BANP: variants seen among roughly 807,000 people sequenced by gnomAD.
BANP encodes the protein protein BANP.
Under a neutral mutation model 68.1 loss-of-function variants are expected in BANP, and 11 were observed. The ratio of observed to expected loss-of-function variants is 0.16; its 90% CI spans 0.10 to 0.27. BANP has a LOEUF of 0.27. Among genes scored for constraint, BANP ranks in the 10% least tolerant of loss-of-function variants. The pLI is 1.00. For missense variants in BANP, 504 were observed against 722.7 expected (o/e 0.70, Z 3.47); for synonymous variants, 329 against 303.2 (o/e 1.09, Z -0.88).
intron 11 of BANP, among the ~76,000 whole-genome samples, chr16:88,059,263 C>CCTGCTGGTCACTCCTCCACTT: frequency 8.6e-6 from 1 of 115,736 alleles, no homozygotes; most frequent in Non-Finnish European, 1.8e-5. Flanking sequence ...GTGGGGCGGG[C>CCTGCTGGTCACTCCTCCACTT]GGAGGTGTGT....
intron 1 of BANP, chr16:87,952,700 G>C (rs1232969724): frequency 6.6e-6 from 1 of 152,194 alleles, no homozygotes; most frequent in East Asian, 1.9e-4. Flanking sequence ...TTCTGTATGT[G>C]GGTCCACTTC....
chr16:88,018,735 C>T lies in BANP; in HGVS notation c.895+68C>T. 1.3e-6 allele frequency: 2 copies of T among 1,494,528 alleles called. No homozygotes were observed. Among genetic ancestry groups the T allele is most frequent in the Non-Finnish European group, 1.8e-6 (2 of 1,113,790 alleles). 92.6% of individuals were successfully genotyped at this position (1,494,528 alleles called of 1,614,324 possible). A position where few individuals can be genotyped will look rare whatever the true frequency, so the allele number is the denominator to read the frequency against. On this transcript the variant is annotated intron_variant, in intron 7 of 13. Transcript: ENST00000682872. The surrounding 1 kb of genome is among the most constrained non-coding windows in gnomAD (Gnocchi z 7.7). ...CTGGGTCAGGACCCACATTTCAATG[C>T]TGAGGACGCTGGCATCAGTAGCACC...
chr16:87,963,905 G>A (rs1357592542), intron 1 of BANP, among the ~76,000 whole-genome samples: 3 of 152,142 alleles, frequency 2.0e-5, no homozygotes, highest in African/African-American at 7.2e-5. Context: ...TCTTTTAATG[G>A]CTTTGTGGTT....
At chr16:88,075,987 T>A (rs2091528252) in intron 13 of BANP, among the ~76,000 whole-genome samples, 1 of 152,070 alleles carries the variant, frequency 6.6e-6, no homozygotes, top group Non-Finnish European at 1.5e-5. Flanking sequence ...CTCAAGTGAT[T>A]CACCTGCCTC....
At position 88,072,227 on chromosome 16, in the gene BANP, C is replaced by T. The variant is rs761838766; in HGVS notation, c.1521+15C>T. 1 of 1,601,442 alleles carries T rather than the reference C, an allele frequency of 6.2e-7. No homozygotes were observed. The highest frequency in any genetic ancestry group is 2.2e-5 in the East Asian group (1 of 44,706). On this transcript the variant is annotated intron_variant, in intron 13 of 13. Transcript: ENST00000682872. ...CCGGGGCACAGGTGAGTCTGGGGCCCCGCGCCGGGACACTGAAGTGATGGC... is the reference window on the plus strand; with the variant it reads ...CCGGGGCACAGGTGAGTCTGGGGCCTCGCGCCGGGACACTGAAGTGATGGC...
chr16:88,008,271 G>C (rs2071880647), intron 6 of BANP, among the ~76,000 whole-genome samples: 1 of 152,214 alleles, frequency 6.6e-6, no homozygotes, highest in African/African-American at 2.4e-5. Context: ...TGTCAGGAAT[G>C]CTGCTGTGAA....
At chr16:87,965,361 G>A (rs1341051122) in intron 1 of BANP, among the ~76,000 whole-genome samples, 2 of 150,504 alleles carry the variant, frequency 1.3e-5, no homozygotes, top group South Asian at 2.2e-4. Flanking sequence ...GGCTTCTGAG[G>A]AATTTTATCT....
At chr16:88,038,189 T>G (rs561437669) in intron 11 of BANP, among the ~76,000 whole-genome samples, 178 bp downstream of exon 11, 8 of 149,582 alleles carry the variant, frequency 5.3e-5, no homozygotes, top group Non-Finnish European at 1.2e-4. Context: ...GGCATTGCGC[T>G]GCCGAGGGGT....
intron 11 of BANP, among the ~76,000 whole-genome samples, chr16:88,046,656 C>T (rs1270801532): frequency 2.6e-5 from 4 of 152,056 alleles, no homozygotes; most frequent in Non-Finnish European, 5.9e-5. Context: ...GGCGATTCTC[C>T]TGCCTCAGCC....
intron 4 of BANP, among the ~76,000 whole-genome samples, chr16:87,998,686 G>T (rs961427004): frequency 6.7e-6 from 1 of 149,418 alleles, no homozygotes; most frequent in Admixed American, 6.7e-5. Context: ...GTGCGCGGCT[G>T]GACTTACCTG....
At chr16:88,035,076 A>G (rs2079023603) in intron 9 of BANP, 3 of 510,828 alleles carry the variant, frequency 5.9e-6, no homozygotes, top group African/African-American at 1.9e-5. Context: ...AGCACCATCC[A>G]CAGTTTCTGG....
chr16:88,072,624 G>A (rs1211449733), intron 13 of BANP, among the ~76,000 whole-genome samples: 4 of 152,250 alleles, frequency 2.6e-5, no homozygotes, highest in Admixed American at 6.5e-5. Context: ...TGGCCCTAGC[G>A]TCCACGAAAA....
intron 5 of BANP, among the ~76,000 whole-genome samples, chr16:88,005,041 T>C (rs137978502): frequency 7.0e-4 from 106 of 152,250 alleles, no homozygotes; most frequent in African/African-American, 2.5e-3. Flanking sequence ...TTCACAAAGT[T>C]CTATTTGCTT....
intron 10 of BANP, 91 bp downstream of exon 10, chr16:88,035,485 G>T (rs2079110081): frequency 5.6e-6 from 7 of 1,251,506 alleles, no homozygotes; most frequent in African/African-American, 3.0e-5. Context: ...AGGGCAGCAG[G>T]GAGCCCCCAG....
rs952338621 is a variant in BANP at position 88,018,685 on chromosome 16, T to G, written c.895+18T>G. The G allele has an allele frequency of 6.4e-7, 1 of 1,551,860 alleles. No homozygotes were observed. Among genetic ancestry groups the G allele is most frequent in the Admixed American group, 1.9e-5 (1 of 51,396 alleles). ...CATCCGGTGTAAGTCGGGCCCCGCC[T>G]TGGGGGACTGGGGTGTGCGGGGAGC... On this transcript the variant is annotated intron_variant, in intron 7 of 13. Transcript: ENST00000682872. This position sits in a 1 kb window ranked among gnomAD's most constrained non-coding sequence, Gnocchi z 7.7.
At chr16:88,047,849 G>C (rs2082358465) in intron 11 of BANP, among the ~76,000 whole-genome samples, 1 of 152,256 alleles carries the variant, frequency 6.6e-6, no homozygotes, top group Admixed American at 6.5e-5. Context: ...TGTTGGGTTT[G>C]ACTGTGCTTT....
intron 7 of BANP, among the ~76,000 whole-genome samples, chr16:88,025,537 C>G (rs2076825693): frequency 6.6e-6 from 1 of 152,204 alleles, no homozygotes; most frequent in South Asian, 2.1e-4. Context: ...GGGTGTTCTT[C>G]CCTCTCATCC....
chr16:87,967,387 T>C lies in BANP; in HGVS notation c.-68-7661T>C, dbSNP rs368116031. ...CCTCCCGAAGTGCTGGGATTACAAATGTGAGCCACCACACTCGGCCGTCAA... is the reference window on the plus strand; with the variant it reads ...CCTCCCGAAGTGCTGGGATTACAAACGTGAGCCACCACACTCGGCCGTCAA... On this transcript the variant is annotated intron_variant, in intron 1 of 13. Coordinates refer to ENST00000682872, the MANE Select transcript of BANP (RefSeq NM_001386991.1). 3.3e-5 allele frequency among the ~76,000 whole-genome samples: 5 copies of C among 151,540 alleles called. No individual in the cohort carries two copies. In the East Asian group the frequency reaches 9.7e-4, roughly 29 times the overall value.
chr16:87,989,768 G>A (rs1395297789), intron 4 of BANP, among the ~76,000 whole-genome samples: 1 of 123,754 alleles, frequency 8.1e-6, no homozygotes, highest in Non-Finnish European at 1.7e-5. Context: ...CACAGGGCGG[G>A]TGACGGGGGA....
Sources: allele counts gnomAD v4.1 joint callset (sites outside exome capture counted in the v4.1 genomes callset), GRCh38; gene constraint gnomAD v4.1.1; non-coding constraint Gnocchi (gnomAD v3.1); transcripts MANE v1.5; gene names NCBI Gene and HGNC (gene_info 2026-07-23, HGNC 2026-07-21).